The following LINGO2 variants were observed in gnomAD, a reference collection of about 807,000 sequenced individuals.
The protein encoded by LINGO2 is leucine-rich repeat and immunoglobulin-like domain-containing nogo receptor-interacting protein 2.
LINGO2 carries 14 observed loss-of-function variants against 30.6 expected under a neutral mutation model. The ratio of observed to expected loss-of-function variants is 0.46; its 90% CI spans 0.30 to 0.72. LINGO2 has a LOEUF of 0.72. LINGO2 is among the 30% of genes least tolerant of loss of function. The pLI is 0.07. For missense variants in LINGO2, 729 were observed against 751.7 expected (o/e 0.97, Z 0.35); for synonymous variants, 317 against 288.5 (o/e 1.10, Z -1.00).
chr9:28,724,707 T>A, the LINGO2 span, among the ~76,000 whole-genome samples: 1 of 152,104 alleles, frequency 6.6e-6, no homozygotes, highest in Non-Finnish European at 1.5e-5. Flanking sequence ...GGATGAAAGA[T>A]GTTTGGGAGG....
At chr9:29,111,883 ATATATT>A in the LINGO2 span, among the ~76,000 whole-genome samples, 1 of 150,300 alleles carries the variant, frequency 6.7e-6, no homozygotes, top group Admixed American at 6.7e-5. Context: ...GTATATATAC[ATATATT>A]TATATATGTG....
At chr9:28,223,763 T>C (rs955154451) in intron 4 of LINGO2, among the ~76,000 whole-genome samples, 2 of 152,134 alleles carry the variant, frequency 1.3e-5, no homozygotes, top group East Asian at 3.9e-4. Context: ...CAACTGCCTG[T>C]ACATTGCCTA....
chr9:28,714,705 C>A, the LINGO2 span, among the ~76,000 whole-genome samples: 1 of 152,080 alleles, frequency 6.6e-6, no homozygotes, highest in Middle Eastern at 3.4e-3. Context: ...AATTAATTTT[C>A]CATGATGTTA....
intron 4 of LINGO2, among the ~76,000 whole-genome samples, chr9:28,118,486 A>C (rs1826999663): frequency 6.6e-6 from 1 of 152,188 alleles, no homozygotes; most frequent in Non-Finnish European, 1.5e-5. Context: ...ACAGTGCAAT[A>C]ACTTATTCAG....
chr9:28,798,637 A>T, the LINGO2 span, among the ~76,000 whole-genome samples: 2 of 152,114 alleles, frequency 1.3e-5, no homozygotes, highest in African/African-American at 4.8e-5. Flanking sequence ...CTTGAGGTTG[A>T]TGAACATAAA....
intron 4 of LINGO2, among the ~76,000 whole-genome samples, chr9:28,071,077 A>G (rs553066425): frequency 6.6e-6 from 1 of 152,284 alleles, no homozygotes; most frequent in Admixed American, 6.5e-5. Context: ...CTGAGTACCA[A>G]CAGTTATCTT....
At chr9:28,875,264 A>G in the LINGO2 span, among the ~76,000 whole-genome samples, 1 of 152,020 alleles carries the variant, frequency 6.6e-6, no homozygotes, top group African/African-American at 2.4e-5. Flanking sequence ...ATTTTGCCAC[A>G]TCTGCTTCAT....
chr9:28,365,293 A>G (rs1820617566), intron 3 of LINGO2, among the ~76,000 whole-genome samples: 1 of 152,088 alleles, frequency 6.6e-6, no homozygotes, highest in Admixed American at 6.6e-5. Flanking sequence ...TCAGGATAGG[A>G]GGTTGAAAAT....
intron 1 of LINGO2, among the ~76,000 whole-genome samples, chr9:28,618,971 T>C (rs1333667636): frequency 6.6e-6 from 1 of 152,180 alleles, no homozygotes; most frequent in Non-Finnish European, 1.5e-5. Flanking sequence ...GTTGAGTGTT[T>C]AGCACAGTAC....
At chr9:29,110,562 G>A in the LINGO2 span, among the ~76,000 whole-genome samples, 2 of 151,910 alleles carry the variant, frequency 1.3e-5, no homozygotes, top group African/African-American at 4.8e-5. Flanking sequence ...TTGATCTCCT[G>A]ACCTCGTGAT....
chr9:28,738,610 C>T, the LINGO2 span, among the ~76,000 whole-genome samples: 1 of 151,908 alleles, frequency 6.6e-6, no homozygotes, highest in Admixed American at 6.6e-5. Context: ...AAAAAGTACT[C>T]ACTACATAGC....
the LINGO2 span, among the ~76,000 whole-genome samples, chr9:28,779,465 T>A: frequency 6.6e-6 from 1 of 152,132 alleles, no homozygotes; most frequent in Non-Finnish European, 1.5e-5. Context: ...TGCAAAACCA[T>A]GTGTTTTCCC....
At chr9:28,958,553 G>A in the LINGO2 span, among the ~76,000 whole-genome samples, 2 of 152,104 alleles carry the variant, frequency 1.3e-5, no homozygotes, top group South Asian at 4.1e-4. Flanking sequence ...AACCTACCAA[G>A]TTGTATCTGA....
chr9:28,804,405 A>G, the LINGO2 span, among the ~76,000 whole-genome samples: 14 of 152,256 alleles, frequency 9.2e-5, no homozygotes, highest in African/African-American at 3.1e-4. Flanking sequence ...ATTGAGAAAT[A>G]CAAAGAGATG....
intron 2 of LINGO2, among the ~76,000 whole-genome samples, chr9:28,431,364 C>A (rs907873993): frequency 1.3e-5 from 2 of 151,682 alleles, no homozygotes; most frequent in Admixed American, 6.6e-5. Flanking sequence ...GTGTCTGGCA[C>A]AGTAAATATT....
At chr9:28,760,085 T>C in the LINGO2 span, among the ~76,000 whole-genome samples, 7 of 152,118 alleles carry the variant, frequency 4.6e-5, no homozygotes, top group Admixed American at 2.6e-4. Context: ...TTGATTAGCA[T>C]ATTATTCTGA....
intron 4 of LINGO2, among the ~76,000 whole-genome samples, chr9:28,155,502 C>T (rs1220667938): frequency 6.6e-6 from 1 of 152,194 alleles, no homozygotes; most frequent in East Asian, 1.9e-4. Flanking sequence ...CATGCTACTT[C>T]CTGCTTGAAA....
the LINGO2 span, among the ~76,000 whole-genome samples, chr9:29,157,307 A>G: frequency 1.3e-5 from 2 of 152,188 alleles, no homozygotes; most frequent in Non-Finnish European, 2.9e-5. Flanking sequence ...ACGGTGTTCT[A>G]CACATATAAA....
At chr9:28,086,413 T>C (rs1027191366) in intron 4 of LINGO2, among the ~76,000 whole-genome samples, 2 of 152,092 alleles carry the variant, frequency 1.3e-5, no homozygotes, top group African/African-American at 4.8e-5. Flanking sequence ...AAGTAGCCAA[T>C]ATAACTAACT....
Sources: gnomAD v4.1 joint callset for allele counts (sites outside exome capture counted in the v4.1 genomes callset) on GRCh38, gnomAD v4.1.1 for gene constraint, MANE v1.5 for transcripts, NCBI Gene and HGNC (gene_info 2026-07-23, HGNC 2026-07-21) for gene names.